Variants in CDC42BPB observed in about 807,000 individuals in gnomAD.
The protein encoded by CDC42BPB is CDC42 binding protein kinase beta, also known as serine/threonine-protein kinase MRCK beta.
Under a neutral mutation model 214.9 loss-of-function variants are expected in CDC42BPB, and 37 were observed. The ratio of observed to expected loss-of-function variants is 0.17; its 90% CI spans 0.13 to 0.23. CDC42BPB has a LOEUF of 0.23. CDC42BPB is among the 10% of genes least tolerant of loss of function. CDC42BPB has a pLI of 1.00. For synonymous variants in CDC42BPB, 931 were observed against 884.0 expected, an observed-to-expected ratio of 1.05 and a Z score of -0.94; for missense variants, 1,694 against 2,227.0, an observed-to-expected ratio of 0.76 and a Z score of 4.82.
At chr14:102,934,517 G>T (rs888885769) in intron 36 of CDC42BPB, among the ~76,000 whole-genome samples, 53 of 151,610 alleles carry the variant, frequency 3.5e-4, no homozygotes, top group African/African-American at 1.2e-3. Context: ...CTGGGCGACA[G>T]AGCGAGACTC....
At chr14:103,048,470 C>T (rs1033204072) in intron 1 of CDC42BPB, among the ~76,000 whole-genome samples, 1 of 139,272 alleles carries the variant, frequency 7.2e-6, no homozygotes, top group Non-Finnish European at 1.5e-5. Flanking sequence ...AGGTGGATCA[C>T]GAGGTCAGGA....
chr14:102,971,987 C>T lies in CDC42BPB; in HGVS notation c.1816G>A (p.Glu606Lys). 6.2e-7 allele frequency: 1 copy of T among 1,614,260 alleles called. No homozygotes were observed. Among genetic ancestry groups the T allele is most frequent in the East Asian group, 2.2e-5 (1 of 44,888 alleles). Residue 606 changes from glutamate (E) to lysine (K), a missense_variant, in exon 13 of 37, where the codon GAG (glutamate) becomes AAG (lysine). Around this residue, in one of 7 missense-constraint regions of CDC42BPB, gnomAD observed 462 missense variants for 513.5 expected, o/e 0.90. Coordinates refer to ENST00000361246, the MANE Select transcript of CDC42BPB (RefSeq NM_006035.4). ...GCGTCCACCTTCTGCGTGGCCACCTCCATCTCCTCCTCCTTGTCTCGCAGC... is the reference window on the plus strand; with the variant it reads ...GCGTCCACCTTCTGCGTGGCCACCTTCATCTCCTCCTCCTTGTCTCGCAGC... ...RQLRDKEEEMEVATQKVDAMR... is the reference protein window; with the variant it reads ...RQLRDKEEEMKVATQKVDAMR...
intron 1 of CDC42BPB, among the ~76,000 whole-genome samples, chr14:103,033,373 C>G (rs546505865): frequency 6.6e-6 from 1 of 152,242 alleles, no homozygotes; most frequent in South Asian, 2.1e-4. Flanking sequence ...AGGCGCCCAC[C>G]ACCATGCCCA....
Position 102,945,680 on chromosome 14 carries a change from T to A in CDC42BPB, c.3793A>T (p.Ile1265Leu), listed in dbSNP as rs777715596. The part of the protein sequence containing the change: ...AVGLEEGLYV[I>L]EVTRDVIVRA... Reference sequence around the variant, plus strand: ...CACTCACCATCTCGGGTGACCTCTATGACATAGAGCCCTTCTTCTAGGCCG... The same window carrying A: ...CACTCACCATCTCGGGTGACCTCTAAGACATAGAGCCCTTCTTCTAGGCCG... The change falls in exon 29 of 37, where the codon ATA (isoleucine) becomes TTA (leucine). Residue 1265 changes from isoleucine (I) to leucine (L), a missense_variant. Physicochemically the swap from Ile to Leu is conservative, Grantham distance 5 (BLOSUM62 2). Coordinates refer to ENST00000361246, the MANE Select transcript of CDC42BPB (RefSeq NM_006035.4). 6.2e-7 allele frequency: 1 copy of A among 1,612,724 alleles called. No individual in the cohort carries two copies. The highest frequency in any genetic ancestry group is 2.2e-5 in the East Asian group (1 of 44,886).
chr14:103,045,402 A>G (rs1275898660), intron 1 of CDC42BPB, among the ~76,000 whole-genome samples: 1 of 152,170 alleles, frequency 6.6e-6, no homozygotes, highest in Non-Finnish European at 1.5e-5. Context: ...CTGCATCACA[A>G]AAGCCCAGCT....
chr14:102,960,265 G>A (rs1892900140), intron 20 of CDC42BPB, among the ~76,000 whole-genome samples: 1 of 151,954 alleles, frequency 6.6e-6, no homozygotes, highest in African/African-American at 2.4e-5. Context: ...TGGGCTGGGC[G>A]TAGGTGGAGG....
chr14:103,010,762 T>C (rs1886110406), intron 2 of CDC42BPB, among the ~76,000 whole-genome samples: 1 of 152,228 alleles, frequency 6.6e-6, no homozygotes, highest in Non-Finnish European at 1.5e-5. Flanking sequence ...CCAGGCGCGG[T>C]GGCTCACGCC....
intron 1 of CDC42BPB, among the ~76,000 whole-genome samples, chr14:103,044,046 C>G (rs563539663): frequency 1.3e-5 from 2 of 152,160 alleles, no homozygotes; most frequent in Admixed American, 1.3e-4. Flanking sequence ...GGAAATAGAG[C>G]ATTTCCAGTA....
chr14:102,963,007 C>T (rs1413405888), intron 20 of CDC42BPB, 54 bp downstream of exon 20: 7 of 850,044 alleles, frequency 8.2e-6, no homozygotes, highest in Non-Finnish European at 1.3e-5. Flanking sequence ...TAAAAACATT[C>T]ATTTGAAAAA....
intron 23 of CDC42BPB, 58 bp downstream of exon 23, chr14:102,954,140 G>T: frequency 8.9e-7 from 1 of 1,120,000 alleles, no homozygotes; most frequent in Non-Finnish European, 1.3e-6. Flanking sequence ...AAATAACTGA[G>T]AATAAATAAA....
intron 3 of CDC42BPB, among the ~76,000 whole-genome samples, chr14:103,005,679 AGAGT>A (rs1895204592): frequency 6.6e-6 from 1 of 152,112 alleles, no homozygotes; most frequent in Non-Finnish European, 1.5e-5. Context: ...ACAGAGTAAC[AGAGT>A]GAGACCCTGT....
At chr14:103,002,739 T>A (rs576543786) in intron 4 of CDC42BPB, among the ~76,000 whole-genome samples, 1 of 152,240 alleles carries the variant, frequency 6.6e-6, no homozygotes, top group African/African-American at 2.4e-5. Flanking sequence ...TTCGCCTCCC[T>A]CTGCCCCAGA....
chr14:103,027,614 AC>A (rs1329171792), intron 1 of CDC42BPB, among the ~76,000 whole-genome samples: 3 of 152,224 alleles, frequency 2.0e-5, no homozygotes, highest in African/African-American at 7.2e-5. Flanking sequence ...GAAGCCAGCT[AC>A]AAAAGACCAC....
At chr14:102,954,867 G>A in intron 21 of CDC42BPB, 179 bp from the exon 22 acceptor site, 4 of 977,160 alleles carry the variant, frequency 4.1e-6, no homozygotes, top group Non-Finnish European at 4.9e-6. Flanking sequence ...TCCACTCCCA[G>A]CTGGCCGGCC....
In CDC42BPB at chr14:102,944,842, C is replaced by T. The variant is rs1481170386; in HGVS notation, c.3812-355G>A. Among the ~76,000 whole-genome samples the T allele has an allele frequency of 4.6e-5, 7 of 152,142 alleles. No individual in the cohort carries two copies. The East Asian group carries it at 7.7e-4, about 17-fold the overall frequency. ...CAGCAAGGCCCTGGGGTGATCTGGG[C>T]CTCCTTCCAGCTCATCCCCGAACCA... On this transcript the variant is annotated intron_variant, in intron 29 of 36. Transcript: ENST00000361246. The surrounding 1 kb of genome is among the most constrained non-coding windows in gnomAD (Gnocchi z 6.6).
intron 1 of CDC42BPB, among the ~76,000 whole-genome samples, chr14:103,053,312 A>G (rs1195927521): frequency 1.3e-5 from 2 of 152,098 alleles, no homozygotes; most frequent in East Asian, 3.9e-4. Flanking sequence ...GCACCACTGC[A>G]CTTCAGCCTG....
intron 36 of CDC42BPB, 133 bp downstream of exon 36, chr14:102,937,971 C>T (rs1311830856): frequency 1.1e-6 from 1 of 934,246 alleles, no homozygotes; most frequent in African/African-American, 1.6e-5. Flanking sequence ...GACCCCTGCC[C>T]CCGTCACCCT....
At chr14:102,997,096 C>G (rs1894773536) in intron 5 of CDC42BPB, among the ~76,000 whole-genome samples, 1 of 152,112 alleles carries the variant, frequency 6.6e-6, no homozygotes, top group Admixed American at 6.5e-5. Flanking sequence ...GCCCTTGCTC[C>G]CCACACAGGA....
At chr14:102,942,870 AGTTTGTTT>A (rs201041279) in intron 30 of CDC42BPB, among the ~76,000 whole-genome samples, 1 of 150,362 alleles carries the variant, frequency 6.7e-6, no homozygotes, top group Non-Finnish European at 1.5e-5. Context: ...GTGCCTGGCT[AGTTTGTTT>A]GTTTGTTTAA....
Sources: gnomAD v4.1 joint callset for allele counts (sites outside exome capture counted in the v4.1 genomes callset) on GRCh38, gnomAD v4.1.1 for gene constraint, gnomAD v4.1.1 regional missense constraint, Gnocchi (gnomAD v3.1) non-coding constraint, MANE v1.5 for transcripts, NCBI Gene and HGNC (gene_info 2026-07-23, HGNC 2026-07-21) for gene names.